Variants in DEFB125 observed in about 807,000 individuals in gnomAD.
DEFB125 encodes the protein defensin beta 125.
In DEFB125, 11 loss-of-function variants were observed where a neutral mutation model predicts 11.8. That is an observed-to-expected ratio of 0.94 (90% CI 0.59 to 1.55). The LOEUF (loss-of-function observed/expected upper bound fraction) is 1.55, where lower values mean the gene tolerates loss of function less well. DEFB125 is among the 40% of genes most tolerant of loss of function. The probability of loss-of-function intolerance (pLI) is 0.00; values close to 1 mark genes in which losing one functional copy is unlikely to be tolerated. For synonymous variants in DEFB125, 79 were observed against 66.7 expected, an observed-to-expected ratio of 1.18 and a Z score of -0.90; for missense variants, 198 against 191.2, an observed-to-expected ratio of 1.04 and a Z score of -0.21.
intron 1 of DEFB125, among the ~76,000 whole-genome samples, chr20:94,541 G>A (rs900946126): frequency 1.2e-4 from 18 of 152,050 alleles, no homozygotes; most frequent in Admixed American, 6.6e-4. Context: ...ATGCTCCTAT[G>A]AGACTCTAAT....
Position 96,409 on chromosome 20 carries a change from C to T in DEFB125, c.463C>T (p.His155Tyr), listed in dbSNP as rs754630127. 1 of 1,607,526 alleles carries T rather than the reference C, an allele frequency of 6.2e-7. No individual in the cohort carries two copies. Among genetic ancestry groups the T allele is most frequent in the Non-Finnish European group, 8.5e-7 (1 of 1,176,804 alleles). The change falls in exon 2 of 2, where the codon CAT becomes TAT. Residue 155 changes from histidine (H) to tyrosine (Y), a missense_variant. By Grantham distance (83) the His-to-Tyr change is moderately conservative (BLOSUM62 2). Coordinates refer to ENST00000382410, the MANE Select transcript of DEFB125 (RefSeq NM_153325.4). ...ACCACCTTCTCAGACAGCTCTTACT[C>T]ATAATTAATTAACATTTACTTCTGG... is the stretch of plus-strand genomic sequence containing the variant. ...MPPPSQTALT[H>Y]N
At chr20:95,326 C>A (rs975157206) in intron 1 of DEFB125, among the ~76,000 whole-genome samples, 1 of 151,904 alleles carries the variant, frequency 6.6e-6, no homozygotes, top group African/African-American at 2.4e-5. Context: ...CATATTATTC[C>A]AACCCACCAT....
chr20:87,846 G>T, intron 1 of DEFB125, 79 bp downstream of exon 1: 3 of 1,490,762 alleles, frequency 2.0e-6, no homozygotes, highest in Non-Finnish European at 2.8e-6. Flanking sequence ...ATGATGGGAA[G>T]AGAGGGAATC....
At chr20:95,909 A>T (rs1296297071) in intron 1 of DEFB125, 96 bp from the exon 2 acceptor site, 3 of 1,106,264 alleles carry the variant, frequency 2.7e-6, no homozygotes, top group Non-Finnish European at 3.9e-6. Context: ...ACATCATATT[A>T]GTCTAGATGT....
intron 1 of DEFB125, among the ~76,000 whole-genome samples, chr20:93,184 G>A (rs1870276671): frequency 6.6e-6 from 1 of 151,846 alleles, no homozygotes; most frequent in Non-Finnish European, 1.5e-5. Context: ...GGCCAGGCTG[G>A]TCTCGAACTC....
At chr20:95,821 C>A (rs563587916) in intron 1 of DEFB125, among the ~76,000 whole-genome samples, 184 bp from the exon 2 acceptor site, 2 of 152,238 alleles carry the variant, frequency 1.3e-5, no homozygotes, top group African/African-American at 2.4e-5. Flanking sequence ...CATACAACTT[C>A]TTTGATGGCA....
chr20:95,215 G>A, intron 1 of DEFB125, among the ~76,000 whole-genome samples: 1 of 152,016 alleles, frequency 6.6e-6, no homozygotes, highest in Admixed American at 6.6e-5. Context: ...GTTTTGATCT[G>A]ACTTATCTTA....
chr20:93,132 A>G (rs1034041268), intron 1 of DEFB125, among the ~76,000 whole-genome samples: 6 of 151,790 alleles, frequency 4.0e-5, no homozygotes, highest in Non-Finnish European at 7.4e-5. Flanking sequence ...CACCATGCCC[A>G]GCTAATTTTT....
At chr20:92,271 C>A (rs1464261733) in intron 1 of DEFB125, among the ~76,000 whole-genome samples, 1 of 151,916 alleles carries the variant, frequency 6.6e-6, no homozygotes, top group Non-Finnish European at 1.5e-5. Flanking sequence ...CCGTTTACTG[C>A]TTGATAAATG....
chr20:94,580 C>T lies in DEFB125; in HGVS notation c.59-1425C>T, dbSNP rs569634892. Among the ~76,000 whole-genome samples the T allele has an allele frequency of 1.1e-4, 16 of 152,280 alleles. No homozygotes were observed. The South Asian group carries it at 1.5e-3, about 14-fold the overall frequency. On this transcript the variant is annotated intron_variant, in intron 1 of 1. Coordinates refer to ENST00000382410, the MANE Select transcript of DEFB125 (RefSeq NM_153325.4). ...TTGGCTGATCTGACAAGAGATGGAG[C>T]TCAGGTGGTGATGCTTGCACACCTG... is the stretch of plus-strand genomic sequence containing the variant.
chr20:90,576 C>T (rs1299481055), intron 1 of DEFB125, among the ~76,000 whole-genome samples: 1 of 152,228 alleles, frequency 6.6e-6, no homozygotes, highest in African/African-American at 2.4e-5. Context: ...GATCCGCTTA[C>T]ACTGGAAGTC....
Position 96,475 on chromosome 20 carries a change from G to T in DEFB125, c.*58G>T. 1 of 1,535,300 alleles carries T rather than the reference G, an allele frequency of 6.5e-7. No homozygotes were observed. The highest frequency in any genetic ancestry group is 8.7e-7 in the Non-Finnish European group (1 of 1,145,602). ...AATACTGCTGGAAATAATATCCAAA[G>T]AGCTGATTCTACCAATCCAATTTCA... is the stretch of plus-strand genomic sequence containing the variant. On this transcript the variant is annotated 3_prime_UTR_variant, in exon 2 of 2. Coordinates refer to ENST00000382410, the MANE Select transcript of DEFB125 (RefSeq NM_153325.4).
chr20:94,508 A>C (rs1375103301), intron 1 of DEFB125, among the ~76,000 whole-genome samples: 1 of 152,060 alleles, frequency 6.6e-6, no homozygotes, highest in Non-Finnish European at 1.5e-5. Context: ...GATCCCTCAC[A>C]TGCACAGTTC....
rs2054515334 is a variant in DEFB125, at chr20:96,302, A to C, written c.356A>C (p.Glu119Ala). The C allele has an allele frequency of 1.2e-6, 2 of 1,613,940 alleles. No individual in the cohort carries two copies. Among genetic ancestry groups the C allele is most frequent in the Non-Finnish European group, 1.7e-6 (2 of 1,179,964 alleles). The change falls in exon 2 of 2, where the codon GAG becomes GCG. Residue 119 changes from glutamate to alanine, a missense_variant. Glu to Ala is a moderately radical substitution (Grantham distance 107). Coordinates refer to ENST00000382410, the MANE Select transcript of DEFB125 (RefSeq NM_153325.4). ...ATGACACCTGAGACCAATACTCCTG[A>C]GACTACTATGCCACCATCTGAGGCC... is the stretch of plus-strand genomic sequence containing the variant. ...ETMTPETNTP[E>A]TTMPPSEATT...
At chr20:92,264 T>C (rs1215650717) in intron 1 of DEFB125, among the ~76,000 whole-genome samples, 4 of 152,028 alleles carry the variant, frequency 2.6e-5, no homozygotes, top group African/African-American at 9.7e-5. Flanking sequence ...GATCATGCCG[T>C]TTACTGCTTG....
At chr20:91,728 G>A (rs989634263) in intron 1 of DEFB125, among the ~76,000 whole-genome samples, 2 of 152,142 alleles carry the variant, frequency 1.3e-5, no homozygotes, top group Admixed American at 6.5e-5. Context: ...AGAACAAGGC[G>A]ATTCAAAGAC....
Position 96,599 on chromosome 20 carries a change from G to A in DEFB125, c.*182G>A. On this transcript the variant is annotated 3_prime_UTR_variant, in exon 2 of 2. Coordinates refer to ENST00000382410, the MANE Select transcript of DEFB125 (RefSeq NM_153325.4). The stretch of plus-strand genomic sequence containing the variant: ...AGAGTTGCCTTACAATTAGAAATGT[G>A]TAGACAGAAATGTATAGAAGATACA... The A allele has an allele frequency of 1.5e-6, 1 of 674,106 alleles. No individual in the cohort carries two copies. The allele number at this position is 674,106 out of a possible 1,614,324, so 41.8% of individuals were successfully genotyped here.
At chr20:92,248 A>C (rs1310476450) in intron 1 of DEFB125, among the ~76,000 whole-genome samples, 1 of 152,028 alleles carries the variant, frequency 6.6e-6, no homozygotes, top group African/African-American at 2.4e-5. Flanking sequence ...TTGTCTTGAG[A>C]AAGATGATCA....
At chr20:92,527 G>A (rs1555754879) in intron 1 of DEFB125, among the ~76,000 whole-genome samples, 1 of 151,612 alleles carries the variant, frequency 6.6e-6, no homozygotes, top group Non-Finnish European at 1.5e-5. Flanking sequence ...CGAGTAGCTG[G>A]GATCACAGGC....
Sources: allele counts gnomAD v4.1 joint callset (sites outside exome capture counted in the v4.1 genomes callset), GRCh38; gene constraint gnomAD v4.1.1; transcripts MANE v1.5; gene names NCBI Gene and HGNC (gene_info 2026-07-23, HGNC 2026-07-21).